The following TIAM2 variants were observed in gnomAD, a reference collection of about 807,000 sequenced individuals.
TIAM2 encodes rho guanine nucleotide exchange factor TIAM2.
In TIAM2, 80 loss-of-function variants were observed where a neutral mutation model predicts 152.9. That is an observed-to-expected ratio of 0.52 (90% confidence interval 0.44 to 0.63). The LOEUF (loss-of-function observed/expected upper bound fraction) is 0.63. TIAM2 is among the 30% of genes least tolerant of loss of function. The probability of loss-of-function intolerance (pLI) is 0.00; values close to 1 mark genes in which losing one functional copy is unlikely to be tolerated. For synonymous variants in TIAM2, 804 were observed against 838.0 expected (o/e 0.96, Z 0.70); for missense variants, 1,965 against 2,120.1 (o/e 0.93, Z 1.44).
At chr6:155,209,877 C>A (rs1259543434) in intron 14 of TIAM2, among the ~76,000 whole-genome samples, 2 of 152,210 alleles carry the variant, frequency 1.3e-5, no homozygotes, top group African/African-American at 4.8e-5. Context: ...GCTGTCCCAA[C>A]CTCCAGGGGT....
intron 2 of TIAM2, among the ~76,000 whole-genome samples, chr6:155,120,636 T>C (rs1357748234): frequency 3.3e-5 from 5 of 152,190 alleles, no homozygotes; most frequent in African/African-American, 1.2e-4. Flanking sequence ...GTCCTGAGTT[T>C]TAATATTTTC....
rs1776713754 is a variant in TIAM2 at position 155,028,868 on chromosome 6, TC to T, written c.-209+33377del. Reference sequence around the variant, plus strand: ...TGTTATATATACACTGTATATACTATCTATACTATGTTATATATACACTGTA... The same window carrying T: ...TGTTATATATACACTGTATATACTATTATACTATGTTATATATACACTGTA... On this transcript the variant is annotated intron_variant, in intron 1 of 26. Transcript: ENST00000682666. 1.6e-5 allele frequency among the ~76,000 whole-genome samples: 2 copies of T among 122,030 alleles called. 1 individual carries two copies. The highest frequency in any genetic ancestry group is 3.2e-5 in the Non-Finnish European group (2 of 61,676). The allele number at this position is 122,030 out of a possible 152,430, so 80.1% of individuals were successfully genotyped here.
intron 1 of TIAM2, among the ~76,000 whole-genome samples, chr6:155,074,826 G>A (rs1268532743): frequency 7.4e-6 from 1 of 134,314 alleles, no homozygotes; most frequent in African/African-American, 2.9e-5. Flanking sequence ...AACCTCTGAG[G>A]ATTCAGCCTG....
intron 15 of TIAM2, among the ~76,000 whole-genome samples, chr6:155,238,428 C>T (rs566812539): frequency 7.8e-4 from 119 of 152,338 alleles, no homozygotes; most frequent in African/African-American, 2.4e-3. Context: ...GAAGTTGCCT[C>T]CACGTTTTCA....
chr6:155,239,137 T>C (rs915332038), intron 15 of TIAM2, among the ~76,000 whole-genome samples: 1 of 152,202 alleles, frequency 6.6e-6, no homozygotes, highest in Non-Finnish European at 1.5e-5. Flanking sequence ...ATTATGTGAA[T>C]ATTAAGAGAT....
intron 15 of TIAM2, among the ~76,000 whole-genome samples, chr6:155,236,588 G>A (rs1184265779): frequency 4.6e-5 from 7 of 152,118 alleles, no homozygotes; most frequent in Non-Finnish European, 7.4e-5. Context: ...GCTTGCACCC[G>A]GGAGGCAGAG....
In TIAM2 at chr6:155,251,949, T is replaced by C. The variant is rs1783685249; in HGVS notation, c.4065T>C (p.Phe1355=). 5 of 1,604,094 alleles carry C rather than the reference T, an allele frequency of 3.1e-6. No individual in the cohort carries two copies. The East Asian group carries it at 6.7e-5, about 21-fold the overall frequency. ...TTTCTCTTTTCCTTTCTTTAGTTTT[T>C]AAGAGAGCCGTCATACTGGTTTATA... ...RKDLELTVFV[F]KRAVILVYKE... The change falls in exon 23 of 27, where the codon TTT becomes TTC. Residue 1355 remains phenylalanine (F), a synonymous_variant. Transcript: ENST00000682666.
At chr6:155,140,573 TGAGAGAGAGA>T (rs57939338) in intron 5 of TIAM2, among the ~76,000 whole-genome samples, 2,591 of 107,468 alleles carry the variant, frequency 0.024, 114 homozygotes, top group African/African-American at 0.089. Flanking sequence ...TGTGTGTGTG[TGAGAGAGAGA>T]GAGAGAGAGA....
chr6:155,015,306 T>C (rs1778554162), intron 1 of TIAM2, among the ~76,000 whole-genome samples: 1 of 151,516 alleles, frequency 6.6e-6, no homozygotes, highest in Non-Finnish European at 1.5e-5. Flanking sequence ...TCAAGGAGAG[T>C]TTGGGTTTGA....
At chr6:155,133,878 C>T (rs1779499454) in intron 4 of TIAM2, among the ~76,000 whole-genome samples, 1 of 152,140 alleles carries the variant, frequency 6.6e-6, no homozygotes, top group Non-Finnish European at 1.5e-5. Context: ...CCACCACCCC[C>T]AGCTGATTTT....
At chr6:155,230,543 T>TTATGCCAGTC (rs112309051) in intron 15 of TIAM2, among the ~76,000 whole-genome samples, 141,775 of 152,072 alleles carry the variant, frequency 0.93, 66,243 homozygotes, top group East Asian at 1. Context: ...CAAGGAGTGA[T>TTATGCCAGTC]TTGTTCATCA....
chr6:155,120,557 A>C (rs1162592132), intron 2 of TIAM2, among the ~76,000 whole-genome samples: 1 of 152,176 alleles, frequency 6.6e-6, no homozygotes. Flanking sequence ...CAGTATTTAC[A>C]GAGTTTATTA....
intron 9 of TIAM2, among the ~76,000 whole-genome samples, chr6:155,167,133 C>T (rs1471241833): frequency 6.6e-6 from 1 of 152,164 alleles, no homozygotes; most frequent in Non-Finnish European, 1.5e-5. Context: ...AGCAGAATCA[C>T]AGGAAACTTT....
intron 14 of TIAM2, among the ~76,000 whole-genome samples, chr6:155,195,021 C>G (rs1781305139): frequency 1.3e-5 from 2 of 152,230 alleles, no homozygotes; most frequent in Non-Finnish European, 2.9e-5. Context: ...TTCCTGAGGC[C>G]TCCGCAGCCC....
At chr6:155,020,929 C>T (rs1232881131) in intron 1 of TIAM2, among the ~76,000 whole-genome samples, 1 of 152,160 alleles carries the variant, frequency 6.6e-6, no homozygotes, top group African/African-American at 2.4e-5. Flanking sequence ...ACCTTCCTGT[C>T]TCTATGAATT....
chr6:155,093,040 T>A (rs1778338531), intron 2 of TIAM2, among the ~76,000 whole-genome samples: 1 of 152,184 alleles, frequency 6.6e-6, no homozygotes, highest in African/African-American at 2.4e-5. Context: ...ACAGTGACAA[T>A]AAAACTGTTT....
rs1305328697 is a variant in TIAM2 at position 155,002,099 on chromosome 6, T to C, written c.-209+6607T>C. Among the ~76,000 whole-genome samples, 7 of 152,286 alleles carry C rather than the reference T, an allele frequency of 4.6e-5. No individual in the cohort carries two copies. The East Asian group carries it at 9.6e-4, about 21-fold the overall frequency. On this transcript the variant is annotated intron_variant, in intron 1 of 26. Transcript: ENST00000682666. ...CCTTCTTAGAATATTGTTTTGAGGA[T>C]TGAGAAATTAATGAATTAACATAAT...
intron 1 of TIAM2, among the ~76,000 whole-genome samples, chr6:154,997,954 C>T (rs549325758): frequency 1.3e-5 from 2 of 152,172 alleles, no homozygotes; most frequent in East Asian, 3.9e-4. Flanking sequence ...GATTACTTCT[C>T]ACGAACTCTA....
At position 155,130,198 on chromosome 6, in the gene TIAM2, G is replaced by C. The variant is rs76377531; in HGVS notation, c.975G>C (p.Thr325=). 1 of 1,614,000 alleles carries C rather than the reference G, an allele frequency of 6.2e-7. No individual in the cohort carries two copies. Among genetic ancestry groups the C allele is most frequent in the South Asian group, 1.1e-5 (1 of 91,080 alleles). The change falls in exon 4 of 27, where the codon ACG becomes ACC. Residue 325 remains threonine, a synonymous_variant. Transcript: ENST00000682666. ...GCCTTTCTGATGAATACATGGGCAC[G>C]CATGCCAGCCTGAGCAACCGTGTCT... ...GIRLSDEYMG[T]HASLSNRVSF... is the part of the protein sequence containing the mutation.
Sources: allele counts gnomAD v4.1 joint callset (sites outside exome capture counted in the v4.1 genomes callset), GRCh38; gene constraint gnomAD v4.1.1; transcripts MANE v1.5; gene names NCBI Gene and HGNC (gene_info 2026-07-23, HGNC 2026-07-21).